Variants in PRKCI observed in about 807,000 individuals in gnomAD.
PRKCI encodes protein kinase C iota, also known as protein kinase C iota type.
In PRKCI, 43 loss-of-function variants were observed where a neutral mutation model predicts 84.0. The observed-to-expected ratio is 0.51, with a 90% CI of 0.40 to 0.66. The LOEUF (loss-of-function observed/expected upper bound fraction) is 0.66, where lower values mean the gene tolerates loss of function less well. PRKCI is among the 30% of genes least tolerant of loss of function. The probability of loss-of-function intolerance (pLI) is 0.00; values close to 1 mark genes in which losing one functional copy is unlikely to be tolerated. For synonymous variants in PRKCI, 216 were observed against 234.4 expected, an observed-to-expected ratio of 0.92 and a Z score of 0.72; for missense variants, 459 against 745.6, an observed-to-expected ratio of 0.62 and a Z score of 4.48.
At chr3:170,226,627 A>T (rs1400492734) in intron 1 of PRKCI, among the ~76,000 whole-genome samples, 1 of 152,066 alleles carries the variant, frequency 6.6e-6, no homozygotes, top group Non-Finnish European at 1.5e-5. Flanking sequence ...TAAAAGATTA[A>T]CTCTTTGCAT....
intron 6 of PRKCI, among the ~76,000 whole-genome samples, chr3:170,270,847 T>G (rs1733985124): frequency 6.6e-6 from 1 of 152,100 alleles, no homozygotes; most frequent in South Asian, 2.1e-4. Flanking sequence ...AAGAGTTTTT[T>G]CCCCCTCTCC....
chr3:170,234,392 G>A (rs1225061028), intron 1 of PRKCI, among the ~76,000 whole-genome samples: 1 of 152,116 alleles, frequency 6.6e-6, no homozygotes, highest in African/African-American at 2.4e-5. Flanking sequence ...GTTCTGATAA[G>A]TGTTTTTTAG....
chr3:170,285,582 C>G (rs1452173409), intron 12 of PRKCI, among the ~76,000 whole-genome samples: 2 of 152,126 alleles, frequency 1.3e-5, no homozygotes, highest in Non-Finnish European at 2.9e-5. Flanking sequence ...TGGAGATTAT[C>G]TAAATGCTAA....
At position 170,280,833 on chromosome 3, in the gene PRKCI, A is replaced by C. The variant is rs566943616; in HGVS notation, c.883-333A>C. On this transcript the variant is annotated intron_variant, in intron 9 of 17. Transcript: ENST00000295797. ...TCTAAATATGTGCTAAGTAAATGAA[A>C]TATATTATTTCGGTTTACTTTTCTT... is the stretch of plus-strand genomic sequence containing the variant. Among the ~76,000 whole-genome samples the C allele has an allele frequency of 1.0e-3, 157 of 152,322 alleles. 1 individual carries two copies. Among genetic ancestry groups the C allele is most frequent in the Middle Eastern group, 3.4e-3 (1 of 294 alleles).
At chr3:170,284,434 A>T in intron 11 of PRKCI, 27 bp from the exon 12 acceptor site, 1 of 1,510,164 alleles carries the variant, frequency 6.6e-7, no homozygotes, top group Non-Finnish European at 9.0e-7. Flanking sequence ...GGTTGAATCA[A>T]ATGACTTATT....
intron 6 of PRKCI, among the ~76,000 whole-genome samples, chr3:170,272,606 T>TAA (rs1437925350): frequency 6.6e-6 from 1 of 152,224 alleles, no homozygotes; most frequent in Non-Finnish European, 1.5e-5. Flanking sequence ...GTTTTAAAAA[T>TAA]CCTTAAGCTT....
chr3:170,244,350 C>T (rs1733213941), intron 2 of PRKCI, among the ~76,000 whole-genome samples: 1 of 152,118 alleles, frequency 6.6e-6, no homozygotes, highest in South Asian at 2.1e-4. Flanking sequence ...TTTAATCAGT[C>T]TTGCTTAGGT....
Position 170,225,198 on chromosome 3 carries a change from A to G in PRKCI, c.101+2428A>G, listed in dbSNP as rs547394135. Among the ~76,000 whole-genome samples, 8 of 152,356 alleles carry G rather than the reference A, an allele frequency of 5.3e-5. No individual in the cohort carries two copies. In the East Asian group the frequency reaches 1.3e-3, roughly 26 times the overall value. Reference sequence around the variant, plus strand: ...CCCATTGTATACTGGTCTTTGCTCAATGAAAGCTTTCTAATGGTACCTTCA... The same window carrying G: ...CCCATTGTATACTGGTCTTTGCTCAGTGAAAGCTTTCTAATGGTACCTTCA... On this transcript the variant is annotated intron_variant, in intron 1 of 17. Coordinates refer to ENST00000295797, the MANE Select transcript of PRKCI (RefSeq NM_002740.6).
intron 3 of PRKCI, among the ~76,000 whole-genome samples, chr3:170,263,076 G>C (rs952276557): frequency 1.3e-5 from 2 of 151,312 alleles, no homozygotes; most frequent in African/African-American, 4.8e-5. Flanking sequence ...GGCTGAGGCA[G>C]GAGAATGGCG....
chr3:170,227,294 T>C (rs1732654740), intron 1 of PRKCI, among the ~76,000 whole-genome samples: 1 of 152,236 alleles, frequency 6.6e-6, no homozygotes, highest in Non-Finnish European at 1.5e-5. Flanking sequence ...TAAATATTGT[T>C]GAACGTCCGT....
chr3:170,291,789 A>G lies in PRKCI; in HGVS notation c.1204-65A>G. ...GCTGAACTTATATGATAGGTGAAAT[A>G]GAAAGGGTGAATTTAAAACAGAACT... On this transcript the variant is annotated intron_variant, in intron 12 of 17. Transcript: ENST00000295797. 4 of 1,280,208 alleles carry G rather than the reference A, an allele frequency of 3.1e-6. No homozygotes were observed. The South Asian group carries it at 4.8e-5, about 15-fold the overall frequency. 79.3% of individuals were successfully genotyped at this position (1,280,208 alleles called of 1,614,324 possible).
At chr3:170,242,679 G>A (rs1733165949) in intron 2 of PRKCI, among the ~76,000 whole-genome samples, 1 of 151,344 alleles carries the variant, frequency 6.6e-6, no homozygotes, top group Admixed American at 6.6e-5. Context: ...TTTTTGTTTT[G>A]TTTTGTTTTG....
intron 8 of PRKCI, among the ~76,000 whole-genome samples, chr3:170,278,324 G>T (rs916395806): frequency 1.3e-5 from 2 of 152,148 alleles, no homozygotes; most frequent in Non-Finnish European, 1.5e-5. Flanking sequence ...TCACTCTGCT[G>T]TATTTACCCT....
At chr3:170,300,470 T>C (rs1269909192) in intron 17 of PRKCI, among the ~76,000 whole-genome samples, 2 of 152,140 alleles carry the variant, frequency 1.3e-5, no homozygotes, top group Non-Finnish European at 2.9e-5. Flanking sequence ...TATTTTTTTC[T>C]AGCTTGTTTC....
At chr3:170,242,034 G>A (rs1201451637) in intron 2 of PRKCI, among the ~76,000 whole-genome samples, 1 of 152,172 alleles carries the variant, frequency 6.6e-6, no homozygotes, top group African/African-American at 2.4e-5. Flanking sequence ...GCTTGAACCC[G>A]AGAGATGGAG....
intron 8 of PRKCI, among the ~76,000 whole-genome samples, chr3:170,278,274 ACTTCT>A (rs943108094): frequency 1.3e-5 from 2 of 151,838 alleles, no homozygotes; most frequent in South Asian, 2.1e-4. Context: ...ACTTTCTTAC[ACTTCT>A]CTTCTTTCTT....
At chr3:170,233,133 G>C in intron 1 of PRKCI, among the ~76,000 whole-genome samples, 1 of 151,262 alleles carries the variant, frequency 6.6e-6, no homozygotes, top group Non-Finnish European at 1.5e-5. Flanking sequence ...TATTATAATG[G>C]TTATTGCAAA....
chr3:170,225,370 A>C (rs1182653754), intron 1 of PRKCI, among the ~76,000 whole-genome samples: 1 of 152,204 alleles, frequency 6.6e-6, no homozygotes, highest in African/African-American at 2.4e-5. Flanking sequence ...ATATAGATGA[A>C]GCTAAAATGA....
chr3:170,295,344 G>A (rs1049825025), intron 14 of PRKCI, among the ~76,000 whole-genome samples: 10 of 151,944 alleles, frequency 6.6e-5, no homozygotes, highest in African/African-American at 2.4e-4. Context: ...GCAATATGGT[G>A]AGACCCTTAT....
Sources: allele counts gnomAD v4.1 joint callset (sites outside exome capture counted in the v4.1 genomes callset), GRCh38; gene constraint gnomAD v4.1.1; transcripts MANE v1.5; gene names NCBI Gene and HGNC (gene_info 2026-07-23, HGNC 2026-07-21).